The following CDR2L variants were observed in gnomAD, a reference collection of about 807,000 sequenced individuals.
The protein encoded by CDR2L is cerebellar degeneration related protein 2 like.
In CDR2L, 19 loss-of-function variants were observed where a neutral mutation model predicts 36.1. The observed-to-expected ratio is 0.53, with a 90% CI of 0.37 to 0.77. CDR2L has a LOEUF of 0.77. Ranked by LOEUF, CDR2L falls within the 30% of genes least tolerant of loss-of-function variation. The pLI, the probability that CDR2L is intolerant of heterozygous loss-of-function variation, is 0.00. For missense variants in CDR2L, 575 were observed against 627.2 expected, an observed-to-expected ratio of 0.92 and a Z score of 0.89; for synonymous variants, 285 against 280.4, an observed-to-expected ratio of 1.02 and a Z score of -0.16.
chr17:74,997,027 C>T (rs2039830097), intron 1 of CDR2L, among the ~76,000 whole-genome samples: 1 of 151,052 alleles, frequency 6.6e-6, no homozygotes, highest in Non-Finnish European at 1.5e-5. Context: ...AGCTCCTATT[C>T]ACCCTTTTCT....
In CDR2L at chr17:74,996,650, C is replaced by A. The variant is rs1482232589; in HGVS notation, c.80-2854C>A. Among the ~76,000 whole-genome samples the A allele has an allele frequency of 3.3e-5, 5 of 151,942 alleles. No individual in the cohort carries two copies. In the East Asian group the frequency reaches 9.7e-4, roughly 29 times the overall value. ...ATCCCCCACAACATCCCCCTAAAAA[C>A]AGACAGATTCCCTCCTAGCCTATCT... On this transcript the variant is annotated intron_variant, in intron 1 of 4. Transcript: ENST00000337231.
At position 75,002,073 on chromosome 17, in the gene CDR2L, G is replaced by A. The variant is rs978397535; in HGVS notation, c.351G>A (p.Glu117=). The A allele has an allele frequency of 3.1e-6, 5 of 1,589,752 alleles. No individual in the cohort carries two copies. The highest frequency in any genetic ancestry group is 3.6e-5 in the Admixed American group (2 of 55,364). Residue 117 remains glutamate (E), a synonymous_variant, in exon 4 of 5, where the codon GAG becomes GAA. Coordinates refer to ENST00000337231, the MANE Select transcript of CDR2L (RefSeq NM_014603.3). The surrounding 1 kb of genome is among the most constrained non-coding windows in gnomAD (Gnocchi z 4.1). ...AAQQKIHGLT[E]TIERLQAQVE... is the part of the protein sequence containing the mutation. ...ACCACCCCGCCCCCAGGCTGACGGAGACCATTGAGCGCCTCCAGGCTCAGG... is the reference window on the plus strand; with the variant it reads ...ACCACCCCGCCCCCAGGCTGACGGAAACCATTGAGCGCCTCCAGGCTCAGG...
In CDR2L at chr17:74,988,032, G is replaced by A. The variant is rs1367372192; in HGVS notation, c.-12G>A. The A allele has an allele frequency of 1.3e-5, 20 of 1,511,028 alleles. No homozygotes were observed. Among genetic ancestry groups the A allele is most frequent in the Non-Finnish European group, 1.8e-5 (20 of 1,130,976 alleles). 93.6% of individuals were successfully genotyped at this position (1,511,028 alleles called of 1,614,324 possible). ...TGCGCCGCCGCAGCACCCGCCCGCC[G>A]CCCGCGGGGCCATGCGGAGAGCCGC... On this transcript the variant is annotated 5_prime_UTR_variant, in exon 1 of 5. Coordinates refer to ENST00000337231, the MANE Select transcript of CDR2L (RefSeq NM_014603.3).
intron 4 of CDR2L, 42 bp from the exon 5 acceptor site, chr17:75,003,141 C>G: frequency 6.5e-7 from 1 of 1,544,842 alleles, no homozygotes; most frequent in Non-Finnish European, 8.7e-7. Flanking sequence ...CCACTGCCCT[C>G]TCCTCCGCCC....
chr17:74,995,183 T>C (rs2039817564), intron 1 of CDR2L, among the ~76,000 whole-genome samples: 1 of 151,556 alleles, frequency 6.6e-6, no homozygotes, highest in South Asian at 2.1e-4. Context: ...ATTACAAGCA[T>C]GAGCCACTGT....
chr17:75,002,018 G>A lies in CDR2L; in HGVS notation c.342-46G>A. On this transcript the variant is annotated intron_variant, in intron 3 of 4. Coordinates refer to ENST00000337231, the MANE Select transcript of CDR2L (RefSeq NM_014603.3). The surrounding 1 kb of genome is among the most constrained non-coding windows in gnomAD (Gnocchi z 4.1). ...GCCAGGGCTGCCGTGAGGCAAACTG[G>A]CCCCATCCCCTTAAAGTCCCTGTGT... The A allele has an allele frequency of 6.7e-7, 1 of 1,481,546 alleles. No individual in the cohort carries two copies. Among genetic ancestry groups the A allele is most frequent in the Non-Finnish European group, 8.9e-7 (1 of 1,117,706 alleles). 91.8% of individuals were successfully genotyped at this position (1,481,546 alleles called of 1,614,324 possible).
Position 74,987,917 on chromosome 17 carries a change from C to T in CDR2L, c.-127C>T, listed in dbSNP as rs930958114. The T allele has an allele frequency of 2.1e-5, 8 of 388,174 alleles. No individual in the cohort carries two copies. The highest frequency in any genetic ancestry group is 1.3e-4 in the African/African-American group (6 of 46,904). 24.0% of individuals were successfully genotyped at this position (388,174 alleles called of 1,614,324 possible). ...GCGAGCGGTTGATGGCGAGGGGGCG[C>T]GGCGCGGGCTCTGTAGCCCGAGTTC... On this transcript the variant is annotated 5_prime_UTR_variant, in exon 1 of 5. Coordinates refer to ENST00000337231, the MANE Select transcript of CDR2L (RefSeq NM_014603.3).
chr17:74,999,882 A>T (rs1208901767), intron 2 of CDR2L, among the ~76,000 whole-genome samples: 1 of 151,746 alleles, frequency 6.6e-6, no homozygotes, highest in Non-Finnish European at 1.5e-5. Context: ...AGCTCAAGTG[A>T]TCCTCCCACC....
At position 75,005,150 on chromosome 17, in the gene CDR2L, G is replaced by T. The variant is rs1598660216; in HGVS notation, c.*1076G>T. The T allele has an allele frequency of 6.6e-6, 1 of 152,504 alleles. No homozygotes were observed. The highest frequency in any genetic ancestry group is 1.9e-4 in the East Asian group (1 of 5,180). 9.4% of individuals were successfully genotyped at this position (152,504 alleles called of 1,614,324 possible). ...GCTGCATCGTGTTGTATTGGGATGG[G>T]GCTGAGGAACATGCTCCCTCCCTCC... is the stretch of plus-strand genomic sequence containing the variant. On this transcript the variant is annotated 3_prime_UTR_variant, in exon 5 of 5. Coordinates refer to ENST00000337231, the MANE Select transcript of CDR2L (RefSeq NM_014603.3). This position sits in a 1 kb window ranked among gnomAD's most constrained non-coding sequence, Gnocchi z 4.2.
intron 1 of CDR2L, among the ~76,000 whole-genome samples, chr17:74,990,581 G>A (rs1447713755): frequency 6.6e-6 from 1 of 152,246 alleles, no homozygotes; most frequent in African/African-American, 2.4e-5. Flanking sequence ...AGGCCCTTTT[G>A]AGCTGGAGGC....
intron 1 of CDR2L, 38 bp downstream of exon 1, chr17:74,988,160 C>G: frequency 1.4e-6 from 2 of 1,391,154 alleles, no homozygotes; most frequent in Non-Finnish European, 1.9e-6. Flanking sequence ...AGGCGGGGAG[C>G]GCCCGGTGAC....
chr17:74,988,037 CG>C lies in CDR2L; in HGVS notation c.-3del. On this transcript the variant is annotated 5_prime_UTR_variant, in exon 1 of 5. Transcript: ENST00000337231. Reference sequence around the variant, plus strand: ...CGCCGCAGCACCCGCCCGCCGCCCGCGGGGCCATGCGGAGAGCCGCCGGGAT... The same window carrying C: ...CGCCGCAGCACCCGCCCGCCGCCCGCGGGCCATGCGGAGAGCCGCCGGGAT... 1 of 1,514,846 alleles carries C rather than the reference CG, an allele frequency of 6.6e-7. No homozygotes were observed. Among genetic ancestry groups the C allele is most frequent in the Non-Finnish European group, 8.8e-7 (1 of 1,132,966 alleles). 93.8% of individuals were successfully genotyped at this position (1,514,846 alleles called of 1,614,324 possible). A position where few individuals can be genotyped will look rare whatever the true frequency, so the allele number is the denominator to read the frequency against.
intron 2 of CDR2L, among the ~76,000 whole-genome samples, chr17:75,000,443 C>T (rs1436729061): frequency 6.7e-6 from 1 of 150,096 alleles, no homozygotes; most frequent in Non-Finnish European, 1.5e-5. Flanking sequence ...ACTACAGGCG[C>T]CCACCACCGC....
intron 1 of CDR2L, among the ~76,000 whole-genome samples, chr17:74,998,688 G>A (rs1468758886): frequency 6.6e-6 from 1 of 152,188 alleles, no homozygotes; most frequent in East Asian, 1.9e-4. Flanking sequence ...AGTGATTGGG[G>A]AAAGATCTAG....
At chr17:74,991,483 C>T (rs983175197) in intron 1 of CDR2L, among the ~76,000 whole-genome samples, 127 of 151,366 alleles carry the variant, frequency 8.4e-4, no homozygotes, top group African/African-American at 2.9e-3. Context: ...TTTGGGAGGC[C>T]GAGGCGGATG....
chr17:75,001,557 C>A, intron 3 of CDR2L, 68 bp downstream of exon 3: 1 of 1,345,242 alleles, frequency 7.4e-7, no homozygotes, highest in Non-Finnish European at 9.8e-7. Context: ...ACACAGGGGC[C>A]CATGGACTGA....
Position 75,005,758 on chromosome 17 carries a change from C to A in CDR2L, c.*1684C>A, listed in dbSNP as rs1395412941. ...GAAATATATTTACAAATGCTTTATT[C>A]TCTTCTTTAATAAAAAATGCACCAG... On this transcript the variant is annotated 3_prime_UTR_variant, in exon 5 of 5. Coordinates refer to ENST00000337231, the MANE Select transcript of CDR2L (RefSeq NM_014603.3). This position sits in a 1 kb window ranked among gnomAD's most constrained non-coding sequence, Gnocchi z 4.2. 6.6e-6 allele frequency: 1 copy of A among 152,590 alleles called. No homozygotes were observed. Among genetic ancestry groups the A allele is most frequent in the African/African-American group, 2.4e-5 (1 of 41,430 alleles). The allele number at this position is 152,590 out of a possible 1,614,324, so 9.5% of individuals were successfully genotyped here.
intron 1 of CDR2L, among the ~76,000 whole-genome samples, chr17:74,999,223 C>G (rs938149879): frequency 6.6e-6 from 1 of 151,968 alleles, no homozygotes; most frequent in African/African-American, 2.4e-5. Context: ...CGTGGCAAAA[C>G]TTTCACAACC....
In CDR2L at chr17:75,004,343, C is replaced by G. The variant is rs1381855562; in HGVS notation, c.*269C>G. 1 of 392,182 alleles carries G rather than the reference C, an allele frequency of 2.5e-6. No homozygotes were observed. Among genetic ancestry groups the G allele is most frequent in the Non-Finnish European group, 4.6e-6 (1 of 219,288 alleles). The allele number at this position is 392,182 out of a possible 1,614,324, so 24.3% of individuals were successfully genotyped here. On this transcript the variant is annotated 3_prime_UTR_variant, in exon 5 of 5. Coordinates refer to ENST00000337231, the MANE Select transcript of CDR2L (RefSeq NM_014603.3). Reference sequence around the variant, plus strand: ...CCCCACTACCCCAGGGATCCCCCAGCTCCCCCAGCCCCTGGCTTCCTGACC... The same window carrying G: ...CCCCACTACCCCAGGGATCCCCCAGGTCCCCCAGCCCCTGGCTTCCTGACC...
Sources: allele counts gnomAD v4.1 joint callset (sites outside exome capture counted in the v4.1 genomes callset), GRCh38; gene constraint gnomAD v4.1.1; non-coding constraint Gnocchi (gnomAD v3.1); transcripts MANE v1.5; gene names NCBI Gene and HGNC (gene_info 2026-07-23, HGNC 2026-07-21).